SHMT1: variants seen among roughly 807,000 people sequenced by gnomAD.
SHMT1 encodes serine hydroxymethyltransferase, cytosolic.
Under a neutral mutation model 49.0 loss-of-function variants are expected in SHMT1, and 45 were observed. The observed-to-expected ratio is 0.92, with a 90% confidence interval of 0.72 to 1.18. The LOEUF (loss-of-function observed/expected upper bound fraction) is 1.18. SHMT1 is among the 50% of genes most tolerant of loss of function. SHMT1 has a pLI of 0.00. For synonymous variants in SHMT1, 232 were observed against 246.6 expected, an observed-to-expected ratio of 0.94 and a Z score of 0.55; for missense variants, 541 against 612.4, an observed-to-expected ratio of 0.88 and a Z score of 1.23.
intron 5 of SHMT1, among the ~76,000 whole-genome samples, chr17:18,347,084 C>A (rs549974857): frequency 6.6e-6 from 1 of 152,322 alleles, no homozygotes; most frequent in East Asian, 1.9e-4. Flanking sequence ...GTAGCTACTG[C>A]ATCCTTGTGC....
chr17:18,356,139 G>A (rs1012723823), intron 1 of SHMT1, 139 bp from the exon 2 acceptor site: 11 of 446,800 alleles, frequency 2.5e-5, no homozygotes, highest in Admixed American at 2.0e-4. Flanking sequence ...TGCAACCTCC[G>A]TCTCCCAGGT....
intron 3 of SHMT1, among the ~76,000 whole-genome samples, chr17:18,351,555 G>C (rs995701332): frequency 2.6e-5 from 4 of 151,426 alleles, no homozygotes; most frequent in Admixed American, 2.0e-4. Flanking sequence ...TCAGGAGATC[G>C]AGACCAGCCT....
chr17:18,338,328 C>A (rs1044375114), intron 7 of SHMT1, among the ~76,000 whole-genome samples: 4 of 151,984 alleles, frequency 2.6e-5, no homozygotes, highest in African/African-American at 9.7e-5. Context: ...AGGAGCATCT[C>A]TGCCCGGCAG....
Position 18,355,892 on chromosome 17 carries a change from A to T in SHMT1, c.90T>A (p.Asp30Glu). The stretch of plus-strand genomic sequence containing the variant: ...AAGACCCCAAAAATCTCACCTCAAC[A>T]TCACTGTCTTTGAGGGGTTGTGCCA... ...KMLAQPLKDS[D>E]VEVYNIIKKE... The change falls in exon 2 of 12, where the codon GAT becomes GAA. Residue 30 changes from aspartate (D) to glutamate (E), a missense_variant. Coordinates refer to ENST00000316694, the MANE Select transcript of SHMT1 (RefSeq NM_004169.5). 6.2e-7 allele frequency: 1 copy of T among 1,610,434 alleles called. No homozygotes were observed. Among genetic ancestry groups the T allele is most frequent in the Non-Finnish European group, 8.5e-7 (1 of 1,176,756 alleles).
intron 1 of SHMT1, chr17:18,360,546 C>T (rs1391592346): frequency 2.1e-5 from 3 of 141,110 alleles, no homozygotes; most frequent in Non-Finnish European, 4.6e-5. Flanking sequence ...GCCAAGAGAA[C>T]AAGACCCTGT....
intron 3 of SHMT1, among the ~76,000 whole-genome samples, chr17:18,352,606 A>C (rs1177118922): frequency 1.3e-5 from 2 of 152,206 alleles, no homozygotes; most frequent in East Asian, 3.9e-4. Context: ...GGATTGCTTG[A>C]GCTCAGGAGA....
chr17:18,340,476 T>C lies in SHMT1; in HGVS notation c.602-221A>G, dbSNP rs1984374261. On this transcript the variant is annotated intron_variant, in intron 6 of 11. Transcript: ENST00000316694. The surrounding 1 kb of genome is among the most constrained non-coding windows in gnomAD (Gnocchi z 4.5). ...TGGTTGAGATGGCCCCAACTACTAT[T>C]GCCAGCGCAGTCAGGGCCTGACATT... 3.0e-6 allele frequency: 2 copies of C among 671,476 alleles called. No individual in the cohort carries two copies. Among genetic ancestry groups the C allele is most frequent in the Non-Finnish European group, 5.3e-6 (2 of 378,398 alleles). 41.6% of individuals were successfully genotyped at this position (671,476 alleles called of 1,614,324 possible).
intron 7 of SHMT1, among the ~76,000 whole-genome samples, chr17:18,339,613 T>C (rs575510928): frequency 3.1e-4 from 47 of 151,488 alleles, no homozygotes; most frequent in South Asian, 6.3e-4. Context: ...CAGGCTGGAG[T>C]ACAGTGGCAC....
At chr17:18,355,184 A>G (rs981252854) in intron 2 of SHMT1, among the ~76,000 whole-genome samples, 11 of 148,526 alleles carry the variant, frequency 7.4e-5, no homozygotes, top group African/African-American at 1.2e-4. Context: ...CCTGGCTAAC[A>G]TGGTGAAACC....
intron 8 of SHMT1, 110 bp from the exon 9 acceptor site, chr17:18,333,398 C>T (rs527854157): frequency 2.9e-6 from 3 of 1,041,574 alleles, no homozygotes; most frequent in East Asian, 2.6e-5. Context: ...TCAATGTCAC[C>T]CCTTGCTTTT....
intron 1 of SHMT1, among the ~76,000 whole-genome samples, chr17:18,356,402 C>T (rs1395288562): frequency 1.3e-5 from 2 of 152,102 alleles, no homozygotes; most frequent in African/African-American, 4.8e-5. Context: ...ATGGCGTGAT[C>T]TTGGCTCACT....
At position 18,330,555 on chromosome 17, in the gene SHMT1, C is replaced by T; in HGVS notation, c.1171G>A (p.Gly391Ser). Reference sequence around the variant, plus strand: ...AGGAGAAGGCAAGGATGATTCTCACCTGGACAGGTGTTCTTGTTGCAGGCA... The same window carrying T: ...AGGAGAAGGCAAGGATGATTCTCACTTGGACAGGTGTTCTTGTTGCAGGCA... Reference protein sequence around the residue: ...SIACNKNTCPGDRSALRPSGL... With the variant: ...SIACNKNTCPSDRSALRPSGL... The change falls in exon 10 of 12, where the codon GGT (glycine) becomes AGT (serine). Residue 391 changes from glycine (G) to serine (S), a missense_variant and splice_region_variant. Physicochemically the swap from Gly to Ser is moderately conservative, Grantham distance 56. Coordinates refer to ENST00000316694, the MANE Select transcript of SHMT1 (RefSeq NM_004169.5). The T allele has an allele frequency of 6.2e-7, 1 of 1,600,878 alleles. No homozygotes were observed. The highest frequency in any genetic ancestry group is 8.6e-7 in the Non-Finnish European group (1 of 1,167,888).
intron 3 of SHMT1, among the ~76,000 whole-genome samples, chr17:18,348,965 C>CAAAAA (rs528389537): frequency 1.1e-5 from 1 of 92,656 alleles, no homozygotes; most frequent in Non-Finnish European, 2.2e-5. Context: ...GACCCTGTCT[C>CAAAAA]AAAAAAAAAA....
Position 18,356,020 on chromosome 17 carries a change from A to G in SHMT1, c.-19-20T>C, listed in dbSNP as rs1299161153. On this transcript the variant is annotated intron_variant, in intron 1 of 11. Transcript: ENST00000316694. ...AGCTGCCTAAAAAAATGGGAAAAACATGTGTAGCTTCCAGAATTAAATTTA... is the reference window on the plus strand; with the variant it reads ...AGCTGCCTAAAAAAATGGGAAAAACGTGTGTAGCTTCCAGAATTAAATTTA... 87 of 875,388 alleles carry G rather than the reference A, an allele frequency of 9.9e-5. No homozygotes were observed. Among genetic ancestry groups the G allele is most frequent in the Non-Finnish European group, 1.4e-4 (83 of 586,378 alleles). 54.2% of individuals were successfully genotyped at this position (875,388 alleles called of 1,614,324 possible).
At chr17:18,346,932 C>A (rs997132533) in intron 5 of SHMT1, among the ~76,000 whole-genome samples, 1 of 152,194 alleles carries the variant, frequency 6.6e-6, no homozygotes, top group Non-Finnish European at 1.5e-5. Context: ...AAGTTGAACG[C>A]CCTAAGTCAA....
In SHMT1 at chr17:18,343,587, G is replaced by A. The variant is rs184312956; in HGVS notation, c.520-2774C>T. Reference sequence around the variant, plus strand: ...CGTGCCACTGCACTCCAGCCTGGGCGACAAGAGGGAAACTTTGTCTCAAAA... The same window carrying A: ...CGTGCCACTGCACTCCAGCCTGGGCAACAAGAGGGAAACTTTGTCTCAAAA... On this transcript the variant is annotated intron_variant, in intron 5 of 11. Transcript: ENST00000316694. 8.8e-3 allele frequency among the ~76,000 whole-genome samples: 1,019 copies of A among 115,484 alleles called. 10 individuals are homozygous for A. The highest frequency in any genetic ancestry group is 0.064 in the Middle Eastern group (9 of 140). 75.8% of individuals were successfully genotyped at this position (115,484 alleles called of 152,430 possible). A position where few individuals can be genotyped will look rare whatever the true frequency, so the allele number is the denominator to read the frequency against.
chr17:18,347,652 G>T lies in SHMT1; in HGVS notation c.363C>A (p.Ser121=). 1 of 1,614,162 alleles carries T rather than the reference G, an allele frequency of 6.2e-7. No homozygotes were observed. Residue 121 remains serine, a synonymous_variant, in exon 5 of 12, where the codon TCC becomes TCA. Coordinates refer to ENST00000316694, the MANE Select transcript of SHMT1 (RefSeq NM_004169.5). ...CAGTGTACACAGCAAAGTTTGCAGGGGAGCCTGAAACGAGTGGACCAGAGG... is the reference window on the plus strand; with the variant it reads ...CAGTGTACACAGCAAAGTTTGCAGGTGAGCCTGAAACGAGTGGACCAGAGG... ...WGVNVQPYSG[S]PANFAVYTAL... is the part of the protein sequence containing the mutation.
At chr17:18,352,185 G>A (rs940308204) in intron 3 of SHMT1, among the ~76,000 whole-genome samples, 32 of 130,734 alleles carry the variant, frequency 2.4e-4, no homozygotes, top group Non-Finnish European at 3.6e-4. Context: ...GCTCGCTATC[G>A]CCCAGGCTAG....
intron 1 of SHMT1, among the ~76,000 whole-genome samples, chr17:18,358,490 G>T (rs915062085): frequency 6.6e-6 from 1 of 152,188 alleles, no homozygotes; most frequent in Middle Eastern, 3.4e-3. Flanking sequence ...CTGTCTCAAA[G>T]AAAAGTAAAA....
Sources: allele counts gnomAD v4.1 joint callset (sites outside exome capture counted in the v4.1 genomes callset), GRCh38; gene constraint gnomAD v4.1.1; non-coding constraint Gnocchi (gnomAD v3.1); transcripts MANE v1.5; gene names NCBI Gene and HGNC (gene_info 2026-07-23, HGNC 2026-07-21).